Variants in CLNK observed in about 807,000 individuals in gnomAD.
CLNK encodes cytokine-dependent hematopoietic cell linker.
A neutral mutation model predicts 68.6 loss-of-function variants in CLNK; 74 were observed. That is an observed-to-expected ratio of 1.08 (90% CI 0.89 to 1.31). The LOEUF (loss-of-function observed/expected upper bound fraction) is 1.31. CLNK is among the 50% of genes most tolerant of loss of function. The pLI is 0.00. For missense variants in CLNK, 553 were observed against 515.3 expected (o/e 1.07, Z -0.71); for synonymous variants, 198 against 172.2 (o/e 1.15, Z -1.17).
chr4:10,722,815 C>T, the CLNK span, among the ~76,000 whole-genome samples: 40 of 152,174 alleles, frequency 2.6e-4, no homozygotes, highest in South Asian at 7.5e-3. Flanking sequence ...TTTGGGAGGC[C>T]GAGGCGGGTG....
Position 10,489,725 on chromosome 4 carries a change from G to T in CLNK, c.*742C>A, listed in dbSNP as rs1260696470. On this transcript the variant is annotated 3_prime_UTR_variant, in exon 19 of 19. Transcript: ENST00000226951. ...TCCCCAGGCTGGATTGGAGTGCAGT[G>T]GCGCGATTTCGGCTCACTGCAAGCT... 3.1e-5 allele frequency: 2 copies of T among 64,404 alleles called. No individual in the cohort carries two copies. The highest frequency in any genetic ancestry group is 4.2e-5 in the African/African-American group (1 of 23,580). 4.0% of individuals were successfully genotyped at this position (64,404 alleles called of 1,614,324 possible). A position where few individuals can be genotyped will look rare whatever the true frequency, so the allele number is the denominator to read the frequency against.
At chr4:10,601,647 G>C (rs967997717) in intron 2 of CLNK, among the ~76,000 whole-genome samples, 13 of 152,210 alleles carry the variant, frequency 8.5e-5, no homozygotes, top group Admixed American at 8.5e-4. Context: ...CTCGAAAGGA[G>C]ATGCTCAAGG....
the CLNK span, among the ~76,000 whole-genome samples, chr4:10,722,981 T>C: frequency 6.6e-6 from 1 of 151,456 alleles, no homozygotes; most frequent in South Asian, 2.1e-4. Flanking sequence ...ACCCGGGAGG[T>C]TGCAGTTAGC....
At chr4:10,607,491 C>T (rs1052744532) in intron 2 of CLNK, among the ~76,000 whole-genome samples, 1 of 152,152 alleles carries the variant, frequency 6.6e-6, no homozygotes, top group Admixed American at 6.5e-5. Context: ...ATTGCAAACC[C>T]TACTCAGAGA....
chr4:10,588,245 G>C (rs1426883114), intron 3 of CLNK, among the ~76,000 whole-genome samples: 1 of 152,214 alleles, frequency 6.6e-6, no homozygotes, highest in East Asian at 1.9e-4. Flanking sequence ...CCGTTCCTGA[G>C]ATTCCAGAAG....
At chr4:10,532,482 T>G (rs1718584064) in intron 11 of CLNK, among the ~76,000 whole-genome samples, 199 bp from the exon 12 acceptor site, 2 of 152,170 alleles carry the variant, frequency 1.3e-5, no homozygotes, top group Admixed American at 6.5e-5. Context: ...AAGACAAAGT[T>G]AAGAGCCAAA....
the CLNK span, among the ~76,000 whole-genome samples, chr4:10,696,404 C>T: frequency 1.3e-5 from 2 of 152,204 alleles, no homozygotes; most frequent in African/African-American, 4.8e-5. Context: ...CTTAAGCTTC[C>T]TGCTGCAGCA....
In CLNK at chr4:10,592,381, T is replaced by C. The variant is rs539114090; in HGVS notation, c.83+5597A>G. On this transcript the variant is annotated intron_variant, in intron 3 of 18. Coordinates refer to ENST00000226951, the MANE Select transcript of CLNK (RefSeq NM_052964.4). Reference sequence around the variant, plus strand: ...GAGTAGCAGGATGATTTGCCAGACATGTTTTAGCTCAGACATTCCTCTAGC... The same window carrying C: ...GAGTAGCAGGATGATTTGCCAGACACGTTTTAGCTCAGACATTCCTCTAGC... Among the ~76,000 whole-genome samples, 5 of 152,274 alleles carry C rather than the reference T, an allele frequency of 3.3e-5. No individual in the cohort carries two copies. The East Asian group carries it at 9.6e-4, about 29-fold the overall frequency.
chr4:10,570,449 C>A (rs933244110), intron 5 of CLNK, among the ~76,000 whole-genome samples: 4 of 152,142 alleles, frequency 2.6e-5, no homozygotes, highest in Non-Finnish European at 4.4e-5. Flanking sequence ...AGAGTTATAT[C>A]TATTTATCTA....
intron 2 of CLNK, among the ~76,000 whole-genome samples, chr4:10,659,981 A>G (rs6825032): frequency 0.79 from 119,494 of 152,156 alleles, 47,173 homozygotes; most frequent in Non-Finnish European, 0.83. Context: ...GCCAATGCAA[A>G]TTATAGACAT....
At chr4:10,557,493 G>T (rs150196247) in intron 8 of CLNK, among the ~76,000 whole-genome samples, 13 of 152,288 alleles carry the variant, frequency 8.5e-5, no homozygotes, top group African/African-American at 3.1e-4. Flanking sequence ...CTCCTCTCCA[G>T]GCGGTGTGCT....
chr4:10,658,608 G>A (rs780495768), intron 2 of CLNK, among the ~76,000 whole-genome samples: 2 of 152,146 alleles, frequency 1.3e-5, no homozygotes, highest in Non-Finnish European at 2.9e-5. Context: ...TCCCCAAAGG[G>A]TGTCTCCCCA....
At chr4:10,690,749 C>A in the CLNK span, among the ~76,000 whole-genome samples, 1 of 152,118 alleles carries the variant, frequency 6.6e-6, no homozygotes, top group Non-Finnish European at 1.5e-5. Context: ...CTCGGAGTCA[C>A]CAAGTTCTCA....
intron 7 of CLNK, among the ~76,000 whole-genome samples, chr4:10,558,886 C>T (rs934258415): frequency 6.6e-6 from 1 of 152,112 alleles, no homozygotes; most frequent in African/African-American, 2.4e-5. Flanking sequence ...GGTTAGGATT[C>T]CACCTCCAGC....
At chr4:10,602,549 G>A (rs1162535662) in intron 2 of CLNK, among the ~76,000 whole-genome samples, 1 of 152,172 alleles carries the variant, frequency 6.6e-6, no homozygotes, top group Non-Finnish European at 1.5e-5. Context: ...CGCTGGAAGA[G>A]GCAGGAAAGA....
At chr4:10,618,217 G>A (rs1225420738) in intron 2 of CLNK, among the ~76,000 whole-genome samples, 4 of 152,146 alleles carry the variant, frequency 2.6e-5, no homozygotes, top group Non-Finnish European at 4.4e-5. Flanking sequence ...TGTTACACGC[G>A]CTACATCAAC....
At chr4:10,636,875 C>T (rs563447082) in intron 2 of CLNK, among the ~76,000 whole-genome samples, 1 of 152,334 alleles carries the variant, frequency 6.6e-6, no homozygotes, top group South Asian at 2.1e-4. Context: ...CCCAGTTCTT[C>T]AGAGTAGAGC....
rs151170044 is a variant in CLNK at position 10,614,630 on chromosome 4, A to G, written c.12-16581T>C. ...CCAGACACCACCCCAGCCCCACTGA[A>G]CCGAAATCTGCATTGTAATAAGAGG... On this transcript the variant is annotated intron_variant, in intron 2 of 18. Transcript: ENST00000226951. Among the ~76,000 whole-genome samples, 11 of 152,284 alleles carry G rather than the reference A, an allele frequency of 7.2e-5. 1 individual carries two copies. Among genetic ancestry groups the G allele is most frequent in the Non-Finnish European group, 8.8e-5 (6 of 68,022 alleles).
chr4:10,501,668 T>A (rs1382790919), intron 17 of CLNK, among the ~76,000 whole-genome samples: 1 of 152,218 alleles, frequency 6.6e-6, no homozygotes, highest in Non-Finnish European at 1.5e-5. Flanking sequence ...GGCTCACCCC[T>A]GTAATCCCAG....
Sources: gnomAD v4.1 joint callset for allele counts (sites outside exome capture counted in the v4.1 genomes callset) on GRCh38, gnomAD v4.1.1 for gene constraint, MANE v1.5 for transcripts, NCBI Gene and HGNC (gene_info 2026-07-23, HGNC 2026-07-21) for gene names.